DNAH17: variants seen among roughly 807,000 people sequenced by gnomAD.
The protein encoded by DNAH17 is dynein axonemal heavy chain 17, also known as axonemal beta dynein heavy chain 17.
A neutral mutation model predicts 485.6 loss-of-function variants in DNAH17; 376 were observed. That is an observed-to-expected ratio of 0.77 (90% CI 0.71 to 0.84). The LOEUF is 0.84. DNAH17 is among the 40% of genes least tolerant of loss of function. DNAH17 has a pLI of 0.00. For synonymous variants in DNAH17, 3,031 were observed against 2,405.9 expected (o/e 1.26, Z -7.60); for missense variants, 6,370 against 5,839.3 (o/e 1.09, Z -2.96).
chr17:78,491,436 C>T lies in DNAH17; in HGVS notation c.6669+7G>A, dbSNP rs372588215. The T allele has an allele frequency of 5.7e-5, 92 of 1,611,518 alleles. No individual in the cohort carries two copies. Among genetic ancestry groups the T allele is most frequent in the East Asian group, 1.1e-4 (5 of 44,806 alleles). ...GCCTTGGGGCTTAGAGTCCAGGGCC[C>T]GCGAACCTTGTTGTCATCCATGACT... On this transcript the variant is annotated splice_region_variant and intron_variant, in intron 43 of 80. Coordinates refer to ENST00000389840, the MANE Select transcript of DNAH17 (RefSeq NM_173628.4).
chr17:78,498,154 CATAAATAAATAA>C (rs148513000), intron 37 of DNAH17, among the ~76,000 whole-genome samples: 1,588 of 146,678 alleles, frequency 0.011, 29 homozygotes, highest in African/African-American at 0.036. Flanking sequence ...AAAAACAAAA[CATAAATAAATAA>C]ATAAATAAAT....
intron 3 of DNAH17, among the ~76,000 whole-genome samples, 194 bp from the exon 4 acceptor site, chr17:78,571,976 C>T (rs887152396): frequency 6.6e-6 from 1 of 152,114 alleles, no homozygotes; most frequent in African/African-American, 2.4e-5. Context: ...GGAAGAGAGC[C>T]CAGGGAAATA....
intron 75 of DNAH17, among the ~76,000 whole-genome samples, chr17:78,430,471 G>C (rs1032942119): frequency 3.9e-5 from 6 of 152,162 alleles, no homozygotes; most frequent in African/African-American, 1.4e-4. Flanking sequence ...ACTGTGCGCT[G>C]GCCGGAAGAG....
intron 41 of DNAH17, 64 bp downstream of exon 41, chr17:78,493,972 C>A: frequency 6.5e-7 from 1 of 1,549,422 alleles, no homozygotes; most frequent in Non-Finnish European, 8.7e-7. Flanking sequence ...GAGGGCCGAC[C>A]CTTCGCCCCA....
At chr17:78,445,313 C>CTGCT (rs1262782207) in intron 70 of DNAH17, among the ~76,000 whole-genome samples, 1 of 152,168 alleles carries the variant, frequency 6.6e-6, no homozygotes, top group Non-Finnish European at 1.5e-5. Context: ...ATATCACTCT[C>CTGCT]TGCTTGCTGT....
At position 78,563,402 on chromosome 17, in the gene DNAH17, A is replaced by G. The variant is rs202229338; in HGVS notation, c.1570-1422T>C. On this transcript the variant is annotated intron_variant, in intron 11 of 80. Coordinates refer to ENST00000389840, the MANE Select transcript of DNAH17 (RefSeq NM_173628.4). ...AAAGCATTGACATGGGGCAGTTGGA[A>G]AAAAAAAATGTTCCTCTTAATGGTT... Among the ~76,000 whole-genome samples, 959 of 140,638 alleles carry G rather than the reference A, an allele frequency of 6.8e-3. 28 individuals carry two copies. The highest frequency in any genetic ancestry group is 0.047 in the East Asian group (241 of 5,154). 92.3% of individuals were successfully genotyped at this position (140,638 alleles called of 152,430 possible).
chr17:78,473,509 A>C (rs954490145), intron 54 of DNAH17, among the ~76,000 whole-genome samples: 42 of 141,122 alleles, frequency 3.0e-4, no homozygotes, highest in African/African-American at 8.4e-4. Context: ...GCGCCACTGC[A>C]CTCCAGCCTG....
rs148219346 is a variant in DNAH17, at chr17:78,450,386, C to T, written c.10908G>A (p.Glu3636=). ...TGATTTTAACTTCTGTGATTTTTGCCTCCACCACCTCGACACAAACAAAAG... is the reference window on the plus strand; with the variant it reads ...TGATTTTAACTTCTGTGATTTTTGCTTCCACCACCTCGACACAAACAAAAG... The part of the protein sequence containing the change: ...TASEIEEKVV[E]AKITEVKINE... Residue 3636 remains glutamate, a synonymous_variant, in exon 68 of 81, where the codon GAG becomes GAA. Coordinates refer to ENST00000389840, the MANE Select transcript of DNAH17 (RefSeq NM_173628.4). 34 of 1,613,778 alleles carry T rather than the reference C, an allele frequency of 2.1e-5. No individual in the cohort carries two copies. In the African/African-American group the frequency reaches 4.0e-4, roughly 19 times the overall value.
chr17:78,502,168 T>A (rs1472726785), intron 33 of DNAH17: 3 of 429,794 alleles, frequency 7.0e-6, no homozygotes, highest in Non-Finnish European at 1.3e-5. Flanking sequence ...AGTCTGTATA[T>A]TTTTACATAT....
Position 78,514,776 on chromosome 17 carries a change from G to C in DNAH17, c.4111C>G (p.Gln1371Glu). The C allele has an allele frequency of 1.2e-6, 2 of 1,613,726 alleles. No homozygotes were observed. The highest frequency in any genetic ancestry group is 1.7e-6 in the Non-Finnish European group (2 of 1,179,806). ...CCGCCCACCATGGTGCATGGTACCT[G>C]GGTGGCCTGCATGAGCTGCTGCCAG... ...RHWQQLMQAT[Q>E]VKFKMSEETT... Residue 1371 changes from glutamine (Q) to glutamate (E), a missense_variant and splice_region_variant, in exon 26 of 81, where the codon CAG (glutamine) becomes GAG (glutamate). Transcript: ENST00000389840.
Position 78,532,523 on chromosome 17 carries a change from T to G in DNAH17, c.3073A>C (p.Ile1025Leu). ...GCCAGGGTGGGCGGTGTCTTGGGGA[T>G]GGTGTCATCTGTCCAGGTGTCCAAG... ...EDLDTWTDDT[I>L]PKTPPTLAQF... Residue 1025 changes from isoleucine (I) to leucine (L), a missense_variant, in exon 20 of 81, where the codon ATC (isoleucine) becomes CTC (leucine). Transcript: ENST00000389840. The G allele has an allele frequency of 2.5e-6, 4 of 1,611,380 alleles. No individual in the cohort carries two copies. Among genetic ancestry groups the G allele is most frequent in the Non-Finnish European group, 3.4e-6 (4 of 1,179,136 alleles).
At chr17:78,448,674 T>A (rs1372737054) in intron 69 of DNAH17, among the ~76,000 whole-genome samples, 1 of 152,108 alleles carries the variant, frequency 6.6e-6, no homozygotes, top group Non-Finnish European at 1.5e-5. Context: ...AGTGCAACAG[T>A]GTTGGGAGGT....
chr17:78,428,370 C>T (rs1277617404), intron 77 of DNAH17, 155 bp downstream of exon 77: 2 of 900,790 alleles, frequency 2.2e-6, no homozygotes, highest in Non-Finnish European at 3.5e-6. Flanking sequence ...AGCCTGCGGG[C>T]CATACCCCAG....
intron 58 of DNAH17, 125 bp from the exon 59 acceptor site, chr17:78,460,382 G>A (rs2088054197): frequency 6.6e-6 from 5 of 758,350 alleles, no homozygotes; most frequent in Admixed American, 2.4e-5. Context: ...GAGTGTATGT[G>A]TGCATATATG....
chr17:78,513,505 G>C (rs910054866), intron 26 of DNAH17, among the ~76,000 whole-genome samples: 1 of 152,034 alleles, frequency 6.6e-6, no homozygotes, highest in African/African-American at 2.4e-5. Context: ...GCATGATCTC[G>C]GCTCACTGCA....
chr17:78,540,422 G>A (rs1322141539), intron 17 of DNAH17, among the ~76,000 whole-genome samples: 26 of 89,640 alleles, frequency 2.9e-4, no homozygotes, highest in Non-Finnish European at 5.4e-4. Flanking sequence ...TGGGTGAGTG[G>A]GTGGATGGAT....
Position 78,444,585 on chromosome 17 carries a change from G to T in DNAH17, c.11528+19C>A. The T allele has an allele frequency of 6.5e-7, 1 of 1,533,838 alleles. No homozygotes were observed. The stretch of plus-strand genomic sequence containing the variant: ...CCTGGGCCTCGGGGGCGGGGCCCCC[G>T]GCGCGGCGGGACACTCACTTGATAG... On this transcript the variant is annotated intron_variant, in intron 71 of 80. Coordinates refer to ENST00000389840, the MANE Select transcript of DNAH17 (RefSeq NM_173628.4).
chr17:78,438,519 A>G (rs2086944003), intron 73 of DNAH17, among the ~76,000 whole-genome samples: 1 of 129,790 alleles, frequency 7.7e-6, no homozygotes, highest in African/African-American at 3.0e-5. Context: ...TTTTTTTGAG[A>G]TGGAGTCTCA....
At chr17:78,574,544 G>C (rs1162594048) in intron 2 of DNAH17, among the ~76,000 whole-genome samples, 169 bp downstream of exon 2, 1 of 152,068 alleles carries the variant, frequency 6.6e-6, no homozygotes, top group Non-Finnish European at 1.5e-5. Context: ...AAGCAGGTCT[G>C]TCTCAGCAGG....
Sources: gnomAD v4.1 joint callset for allele counts (sites outside exome capture counted in the v4.1 genomes callset) on GRCh38, gnomAD v4.1.1 for gene constraint, MANE v1.5 for transcripts, NCBI Gene and HGNC (gene_info 2026-07-23, HGNC 2026-07-21) for gene names.